USP3: variants seen among roughly 807,000 people sequenced by gnomAD.
The protein encoded by USP3 is ubiquitin carboxyl-terminal hydrolase 3.
In USP3, 20 loss-of-function variants were observed where a neutral mutation model predicts 72.3. The ratio of observed to expected loss-of-function variants is 0.28; its 90% CI spans 0.19 to 0.40. The LOEUF (loss-of-function observed/expected upper bound fraction) is 0.40, where lower values mean the gene tolerates loss of function less well. Among genes scored for constraint, USP3 ranks in the 10% least tolerant of loss-of-function variants. The pLI, the probability that USP3 is intolerant of heterozygous loss-of-function variation, is 1.00. For missense variants in USP3, 479 were observed against 633.9 expected, an observed-to-expected ratio of 0.76 and a Z score of 2.62; for synonymous variants, 222 against 225.3, an observed-to-expected ratio of 0.99 and a Z score of 0.13.
intron 1 of USP3, among the ~76,000 whole-genome samples, chr15:63,505,820 A>T (rs180820264): frequency 2.6e-5 from 4 of 152,312 alleles, no homozygotes; most frequent in Admixed American, 2.0e-4. Flanking sequence ...ATAGCGTACA[A>T]TTCGAATTGT....
intron 1 of USP3, among the ~76,000 whole-genome samples, chr15:63,524,793 G>A (rs1192445624): frequency 6.6e-6 from 1 of 152,138 alleles, no homozygotes; most frequent in Non-Finnish European, 1.5e-5. Context: ...TCAAGCAATA[G>A]CAAGAGGGAG....
At chr15:63,550,641 G>A (rs373977299) in intron 3 of USP3, among the ~76,000 whole-genome samples, 42 of 152,248 alleles carry the variant, frequency 2.8e-4, no homozygotes, top group Middle Eastern at 3.4e-3. Flanking sequence ...TTCATCTAAA[G>A]CTAAAAATAC....
intron 11 of USP3, among the ~76,000 whole-genome samples, chr15:63,580,641 C>CATATATATATATATATAT (rs1210661793): frequency 0.071 from 3,507 of 49,494 alleles, 180 homozygotes; most frequent in Middle Eastern, 0.12. Context: ...GAAAGTGGTG[C>CATATATATATATATATAT]ATATATATAT....
intron 8 of USP3, among the ~76,000 whole-genome samples, chr15:63,564,312 G>A (rs1048999847): frequency 2.0e-5 from 3 of 152,138 alleles, no homozygotes; most frequent in African/African-American, 7.2e-5. Context: ...CTGAGACAGA[G>A]AGGAGAAGCG....
intron 7 of USP3, among the ~76,000 whole-genome samples, chr15:63,561,525 C>G (rs2066607492): frequency 6.6e-6 from 1 of 152,228 alleles, no homozygotes; most frequent in Non-Finnish European, 1.5e-5. Flanking sequence ...GCGGACACAG[C>G]CATGCTGCTG....
chr15:63,533,651 G>A (rs1183056613), intron 2 of USP3, among the ~76,000 whole-genome samples: 2 of 152,124 alleles, frequency 1.3e-5, no homozygotes, highest in African/African-American at 4.8e-5. Context: ...CTCATTGCAT[G>A]AAGAGAGCAT....
In USP3 at chr15:63,591,545, C is replaced by CATGTA. The variant is rs1244550981; in HGVS notation, c.*724_*728dup. On this transcript the variant is annotated 3_prime_UTR_variant, in exon 15 of 15. Coordinates refer to ENST00000380324, the MANE Select transcript of USP3 (RefSeq NM_006537.4). ...GTAAGATGGGAGTAAAGACCAAATA[C>CATGTA]ATGTAATGTTTAAAAAAAATGCTGT... 1.3e-5 allele frequency: 2 copies of CATGTA among 152,080 alleles called. No homozygotes were observed. Among genetic ancestry groups the CATGTA allele is most frequent in the Non-Finnish European group, 2.9e-5 (2 of 68,040 alleles). The allele number at this position is 152,080 out of a possible 1,614,324, so 9.4% of individuals were successfully genotyped here. A position where few individuals can be genotyped will look rare whatever the true frequency, so the allele number is the denominator to read the frequency against.
intron 1 of USP3, among the ~76,000 whole-genome samples, chr15:63,513,259 C>G (rs911757886): frequency 3.3e-5 from 5 of 152,198 alleles, no homozygotes; most frequent in African/African-American, 4.8e-5. Flanking sequence ...AAAAAGCAGG[C>G]TGGAAATTAA....
intron 1 of USP3, among the ~76,000 whole-genome samples, chr15:63,526,029 A>G (rs2065976797): frequency 1.3e-5 from 2 of 152,156 alleles, no homozygotes; most frequent in Non-Finnish European, 1.5e-5. Flanking sequence ...TTTTATTAGG[A>G]CTTTATAATA....
At chr15:63,587,319 A>G (rs951820501) in intron 11 of USP3, among the ~76,000 whole-genome samples, 5 of 152,096 alleles carry the variant, frequency 3.3e-5, no homozygotes, top group African/African-American at 1.2e-4. Context: ...GTCCATAGGC[A>G]TTCATATTTT....
rs2152687331 is a variant in USP3, at chr15:63,594,449, A to G, written c.*3623A>G. 6.6e-6 allele frequency: 1 copy of G among 152,282 alleles called. No homozygotes were observed. The highest frequency in any genetic ancestry group is 1.5e-5 in the Non-Finnish European group (1 of 68,028). The allele number at this position is 152,282 out of a possible 1,614,324, so 9.4% of individuals were successfully genotyped here. A position where few individuals can be genotyped will look rare whatever the true frequency, so the allele number is the denominator to read the frequency against. On this transcript the variant is annotated 3_prime_UTR_variant, in exon 15 of 15. Transcript: ENST00000380324. ...CTCAGGTGTGAGCGTGATGGACTCT[A>G]GACTGCCTTCCATGAGTGTTGGTCA...
In USP3 at chr15:63,588,829, CT is replaced by C. The variant is rs763717519; in HGVS notation, c.1329+19del. The C allele has an allele frequency of 6.2e-7, 1 of 1,612,440 alleles. No homozygotes were observed. The highest frequency in any genetic ancestry group is 2.2e-5 in the East Asian group (1 of 44,866). On this transcript the variant is annotated intron_variant, in intron 13 of 14. Coordinates refer to ENST00000380324, the MANE Select transcript of USP3 (RefSeq NM_006537.4). The surrounding 1 kb of genome is among the most constrained non-coding windows in gnomAD (Gnocchi z 4.6). ...TACTTACTAGAGGTAAGGTGGTTAC[CT>C]TTTTAGCATGGTGAAAAAATGGCTC...
At chr15:63,537,259 T>G in intron 3 of USP3, 103 bp downstream of exon 3, 1 of 1,318,788 alleles carries the variant, frequency 7.6e-7, no homozygotes, top group African/African-American at 1.5e-5. Flanking sequence ...TGCTGTTACC[T>G]CCTTTTACAA....
chr15:63,575,302 A>G (rs1475659639), intron 11 of USP3, among the ~76,000 whole-genome samples: 1 of 152,064 alleles, frequency 6.6e-6, no homozygotes, highest in East Asian at 1.9e-4. Flanking sequence ...CAGGAACCAC[A>G]TGTGGCTAGT....
chr15:63,531,840 G>A (rs2066080568), intron 1 of USP3, among the ~76,000 whole-genome samples: 1 of 152,138 alleles, frequency 6.6e-6, no homozygotes, highest in African/African-American at 2.4e-5. Flanking sequence ...GAAGTCACCT[G>A]GGAAGCTACT....
chr15:63,571,881 G>A (rs1271980758), intron 9 of USP3, among the ~76,000 whole-genome samples: 1 of 152,166 alleles, frequency 6.6e-6, no homozygotes, highest in Non-Finnish European at 1.5e-5. Context: ...ATTTCCTTCA[G>A]TGCATTGGAA....
intron 1 of USP3, among the ~76,000 whole-genome samples, chr15:63,523,543 G>A (rs886769000): frequency 6.6e-6 from 1 of 152,196 alleles, no homozygotes; most frequent in Non-Finnish European, 1.5e-5. Flanking sequence ...AATTCTTCTC[G>A]AAGGGTTCAA....
intron 3 of USP3, among the ~76,000 whole-genome samples, chr15:63,548,204 A>G (rs1472484126): frequency 6.7e-6 from 1 of 148,202 alleles, no homozygotes; most frequent in Non-Finnish European, 1.5e-5. Context: ...ATCACAGCTC[A>G]CTGCAGCCTC....
chr15:63,529,735 C>A lies in USP3; in HGVS notation c.92-2912C>A, dbSNP rs527690455. 2.6e-5 allele frequency among the ~76,000 whole-genome samples: 4 copies of A among 152,254 alleles called. No homozygotes were observed. Among genetic ancestry groups the A allele is most frequent in the African/African-American group, 9.6e-5 (4 of 41,554 alleles). On this transcript the variant is annotated intron_variant, in intron 1 of 14. Transcript: ENST00000380324. This position sits in a 1 kb window ranked among gnomAD's most constrained non-coding sequence, Gnocchi z 4.2. Reference sequence around the variant, plus strand: ...AAAGGAACACTTGGTAGGAAACATACCCAAAGCAAAGTCACAGGGATTCTG... The same window carrying A: ...AAAGGAACACTTGGTAGGAAACATAACCAAAGCAAAGTCACAGGGATTCTG...
Sources: gnomAD v4.1 joint callset for allele counts (sites outside exome capture counted in the v4.1 genomes callset) on GRCh38, gnomAD v4.1.1 for gene constraint, Gnocchi (gnomAD v3.1) non-coding constraint, MANE v1.5 for transcripts, NCBI Gene and HGNC (gene_info 2026-07-23, HGNC 2026-07-21) for gene names.